Variants in TMTC2 observed in about 807,000 individuals in gnomAD.
TMTC2 encodes the protein transmembrane O-mannosyltransferase targeting cadherins 2, also known as protein O-mannosyl-transferase TMTC2.
A neutral mutation model predicts 82.4 loss-of-function variants in TMTC2; 43 were observed. The observed-to-expected ratio is 0.52, with a 90% CI of 0.41 to 0.67. TMTC2 has a LOEUF of 0.67. Ranked by LOEUF, TMTC2 falls within the 30% of genes least tolerant of loss-of-function variation. The pLI is 0.00. For missense variants in TMTC2, 919 were observed against 1,012.4 expected (o/e 0.91, Z 1.25); for synonymous variants, 408 against 381.9 (o/e 1.07, Z -0.80).
intron 1 of TMTC2, among the ~76,000 whole-genome samples, chr12:82,788,458 C>T (rs1474784502): frequency 6.6e-6 from 1 of 151,950 alleles, no homozygotes; most frequent in African/African-American, 2.4e-5. Context: ...GTTTGGTAGC[C>T]TAGGAACAGC....
chr12:82,778,305 T>G lies in TMTC2; in HGVS notation c.84-78705T>G, dbSNP rs1340068055. Among the ~76,000 whole-genome samples, 2 of 152,140 alleles carry G rather than the reference T, an allele frequency of 1.3e-5. 1 individual carries two copies. Among genetic ancestry groups the G allele is most frequent in the Admixed American group, 1.3e-4 (2 of 15,272 alleles). ...TATTATTTTTTTAAATATTGAACAT[T>G]TTACATCTGTCCCCCATCTTCCCTG... On this transcript the variant is annotated intron_variant, in intron 1 of 11. Coordinates refer to ENST00000321196, the MANE Select transcript of TMTC2 (RefSeq NM_152588.3).
chr12:82,781,418 T>TTTTTA, intron 1 of TMTC2, among the ~76,000 whole-genome samples: 1 of 148,074 alleles, frequency 6.8e-6, no homozygotes, highest in Non-Finnish European at 1.5e-5. Flanking sequence ...TTTTTTTTTT[T>TTTTTA]TTAGCAGAAA....
At chr12:83,000,180 G>A (rs1879853075) in intron 8 of TMTC2, among the ~76,000 whole-genome samples, 1 of 151,998 alleles carries the variant, frequency 6.6e-6, no homozygotes, top group Admixed American at 6.6e-5. Context: ...TGTCGCCCAG[G>A]CTGGAGTGCA....
chr12:82,897,903 A>G (rs201294846), intron 3 of TMTC2, among the ~76,000 whole-genome samples: 2 of 152,202 alleles, frequency 1.3e-5, no homozygotes, highest in East Asian at 3.9e-4. Flanking sequence ...ACAATTCTAT[A>G]TCAGGATTAA....
chr12:82,997,223 A>G (rs12423762), intron 8 of TMTC2, among the ~76,000 whole-genome samples: 1 of 99,980 alleles, frequency 1.0e-5, no homozygotes, highest in East Asian at 2.7e-4. Context: ...CTCTCTCTCT[A>G]TATATATATA....
chr12:82,719,579 A>T (rs1874096972), intron 1 of TMTC2, among the ~76,000 whole-genome samples: 7 of 152,172 alleles, frequency 4.6e-5, no homozygotes, highest in Admixed American at 3.9e-4. Flanking sequence ...CTGTGAGCAA[A>T]TGCCTTTTCC....
chr12:82,818,090 T>G (rs570513429), intron 1 of TMTC2, among the ~76,000 whole-genome samples: 7 of 152,292 alleles, frequency 4.6e-5, no homozygotes, highest in African/African-American at 1.4e-4. Context: ...CTATATCTCA[T>G]CTTTTCTACA....
In TMTC2 at chr12:83,128,407, T is replaced by TA. The variant is rs748054194; in HGVS notation, c.2332-3792dup. On this transcript the variant is annotated intron_variant, in intron 11 of 11. Coordinates refer to ENST00000321196, the MANE Select transcript of TMTC2 (RefSeq NM_152588.3). ...CATTTAGTCATTTATGGCTTCTGCT[T>TA]AAAAAAAAAAAGATTATTTGAACAT... is the stretch of plus-strand genomic sequence containing the variant. Among the ~76,000 whole-genome samples the TA allele has an allele frequency of 4.0e-3, 579 of 146,324 alleles. 5 individuals carry two copies. The highest frequency in any genetic ancestry group is 9.3e-3 in the East Asian group (47 of 5,062).
chr12:82,744,626 A>T (rs1200676654), intron 1 of TMTC2, among the ~76,000 whole-genome samples: 2 of 151,556 alleles, frequency 1.3e-5, no homozygotes, highest in African/African-American at 4.8e-5. Flanking sequence ...GGACAGGGAC[A>T]CATCTGCCAG....
At chr12:82,842,727 G>C (rs192043758) in intron 1 of TMTC2, among the ~76,000 whole-genome samples, 3 of 152,254 alleles carry the variant, frequency 2.0e-5, no homozygotes, top group Admixed American at 6.5e-5. Context: ...GGTTTCTCCT[G>C]TGGCCTCACT....
At chr12:83,110,433 C>T (rs1280897112) in intron 11 of TMTC2, among the ~76,000 whole-genome samples, 1 of 151,996 alleles carries the variant, frequency 6.6e-6, no homozygotes, top group Non-Finnish European at 1.5e-5. Flanking sequence ...CTAGATACCC[C>T]TTCTCTCCTT....
chr12:82,747,589 G>A (rs1271196242), intron 1 of TMTC2, among the ~76,000 whole-genome samples: 3 of 152,172 alleles, frequency 2.0e-5, no homozygotes, highest in Non-Finnish European at 1.5e-5. Flanking sequence ...TTTGTCTAAA[G>A]ATTTTAGAGC....
chr12:82,953,840 G>GAA (rs11284711), intron 4 of TMTC2, among the ~76,000 whole-genome samples: 8 of 147,888 alleles, frequency 5.4e-5, no homozygotes, highest in African/African-American at 2.0e-4. Context: ...TTATCTCTGA[G>GAA]AAAAAAAAAA....
chr12:82,747,181 A>G lies in TMTC2; in HGVS notation c.83+59512A>G, dbSNP rs1372085150. On this transcript the variant is annotated intron_variant, in intron 1 of 11. Coordinates refer to ENST00000321196, the MANE Select transcript of TMTC2 (RefSeq NM_152588.3). Reference sequence around the variant, plus strand: ...CAATGGCAAACTAATAAACACACACAGAGTGATCATTTCCTTTATACCAGG... The same window carrying G: ...CAATGGCAAACTAATAAACACACACGGAGTGATCATTTCCTTTATACCAGG... Among the ~76,000 whole-genome samples the G allele has an allele frequency of 9.2e-5, 14 of 152,246 alleles. 1 individual carries two copies. The highest frequency in any genetic ancestry group is 2.9e-5 in the Non-Finnish European group (2 of 68,036).
At chr12:82,900,737 C>T (rs28970585) in intron 3 of TMTC2, among the ~76,000 whole-genome samples, 1 of 127,120 alleles carries the variant, frequency 7.9e-6, no homozygotes, top group East Asian at 2.3e-4. Flanking sequence ...GAATATATAT[C>T]TCTGGAATAT....
chr12:82,726,049 C>G (rs1490092001), intron 1 of TMTC2, among the ~76,000 whole-genome samples: 2 of 152,148 alleles, frequency 1.3e-5, no homozygotes, highest in Non-Finnish European at 2.9e-5. Context: ...TTTTCCCCCA[C>G]AAAGGACCAC....
chr12:83,095,873 C>A (rs1250428725), intron 11 of TMTC2, among the ~76,000 whole-genome samples: 1 of 152,196 alleles, frequency 6.6e-6, no homozygotes, highest in Non-Finnish European at 1.5e-5. Context: ...GATCTTTTAT[C>A]TTCAGCATTA....
At chr12:82,697,618 G>T (rs1271839834) in intron 1 of TMTC2, among the ~76,000 whole-genome samples, 1 of 152,114 alleles carries the variant, frequency 6.6e-6, no homozygotes, top group Non-Finnish European at 1.5e-5. Context: ...TGAGTTTGAG[G>T]TATTCAGATT....
chr12:83,070,734 G>C (rs1868679448), intron 11 of TMTC2, among the ~76,000 whole-genome samples: 1 of 152,082 alleles, frequency 6.6e-6, no homozygotes, highest in Non-Finnish European at 1.5e-5. Context: ...CTGTGTTGAA[G>C]AGTAGTGGTG....
Sources: gnomAD v4.1 joint callset for allele counts (sites outside exome capture counted in the v4.1 genomes callset) on GRCh38, gnomAD v4.1.1 for gene constraint, MANE v1.5 for transcripts, NCBI Gene and HGNC (gene_info 2026-07-23, HGNC 2026-07-21) for gene names.